EPHA7: variants seen among roughly 807,000 people sequenced by gnomAD.
The protein encoded by EPHA7 is EPH receptor A7.
In EPHA7, 25 loss-of-function variants were observed where a neutral mutation model predicts 112.6. The ratio of observed to expected loss-of-function variants is 0.22; its 90% confidence interval spans 0.16 to 0.31. The LOEUF is 0.31. Among genes scored for constraint, EPHA7 ranks in the 10% least tolerant of loss-of-function variants. EPHA7 has a pLI of 1.00. For synonymous variants in EPHA7, 437 were observed against 406.5 expected (o/e 1.07, Z -0.90); for missense variants, 962 against 1,212.6 (o/e 0.79, Z 3.07).
At chr6:93,300,314 G>C (rs1261438727) in intron 5 of EPHA7, among the ~76,000 whole-genome samples, 1 of 152,058 alleles carries the variant, frequency 6.6e-6, no homozygotes, top group Non-Finnish European at 1.5e-5. Flanking sequence ...ACATGCTGAT[G>C]ACTTTGTTGA....
intron 14 of EPHA7, among the ~76,000 whole-genome samples, chr6:93,249,252 A>T (rs1030993181): frequency 1.3e-5 from 2 of 152,216 alleles, no homozygotes; most frequent in African/African-American, 4.8e-5. Context: ...CTCTGCAAGG[A>T]TCACAAATAT....
At chr6:93,342,101 T>C (rs1775167291) in intron 5 of EPHA7, among the ~76,000 whole-genome samples, 1 of 151,782 alleles carries the variant, frequency 6.6e-6, no homozygotes. Context: ...ATAATGCAAG[T>C]CAAATGGGAA....
At chr6:93,244,823 T>A (rs1377199821) in intron 16 of EPHA7, among the ~76,000 whole-genome samples, 2 of 152,194 alleles carry the variant, frequency 1.3e-5, no homozygotes, top group Non-Finnish European at 2.9e-5. Context: ...GCATTGAGTA[T>A]AAAGTTTTGA....
chr6:93,395,320 C>T (rs1778112329), intron 3 of EPHA7, among the ~76,000 whole-genome samples: 1 of 151,624 alleles, frequency 6.6e-6, no homozygotes, highest in Non-Finnish European at 1.5e-5. Context: ...ACTAGTAATT[C>T]AGAATTGTCT....
chr6:93,317,139 T>C (rs1773854067), intron 5 of EPHA7, among the ~76,000 whole-genome samples: 1 of 152,194 alleles, frequency 6.6e-6, no homozygotes, highest in Non-Finnish European at 1.5e-5. Flanking sequence ...GCAGATGCTC[T>C]TGAGGGCTTT....
rs1405423810 is a variant in EPHA7 at position 93,255,962 on chromosome 6, C to T, written c.2248G>A (p.Ala750Thr). The change falls in exon 13 of 17, where the codon GCT becomes ACT. Residue 750 changes from alanine (A) to threonine (T), a missense_variant. Transcript: ENST00000369303. Reference protein sequence around the residue: ...RGIAAGMRYLADMGYVHRDLA... With the variant: ...RGIAAGMRYLTDMGYVHRDLA... ...TCCCTGTGAACATATCCCATATCAG[C>T]CAAATATCTCATTCCAGCAGCAATT... The T allele has an allele frequency of 6.2e-7, 1 of 1,613,870 alleles. No individual in the cohort carries two copies. The highest frequency in any genetic ancestry group is 1.3e-5 in the African/African-American group (1 of 74,882).
rs951621182 is a variant in EPHA7 at position 93,414,806 on chromosome 6, C to T, written c.98-39G>A. The T allele has an allele frequency of 2.0e-6, 3 of 1,498,174 alleles. No homozygotes were observed. In the Admixed American group the frequency reaches 5.1e-5, roughly 25 times the overall value. 92.8% of individuals were successfully genotyped at this position (1,498,174 alleles called of 1,614,324 possible). A position where few individuals can be genotyped will look rare whatever the true frequency, so the allele number is the denominator to read the frequency against. On this transcript the variant is annotated intron_variant, in intron 1 of 16. Transcript: ENST00000369303. ...TTGTATTTCCATATGTTACATGAAA[C>T]ACTTACGCACACATGTAGACATTTT...
intron 5 of EPHA7, among the ~76,000 whole-genome samples, chr6:93,310,272 G>A (rs753586733): frequency 1.6e-4 from 24 of 152,176 alleles, no homozygotes; most frequent in Admixed American, 9.2e-4. Context: ...ATTGTGATAC[G>A]CACTGAAAAT....
intron 5 of EPHA7, among the ~76,000 whole-genome samples, chr6:93,331,944 T>A (rs921012771): frequency 2.0e-5 from 3 of 151,564 alleles, no homozygotes; most frequent in African/African-American, 7.2e-5. Context: ...CCTCACACAG[T>A]TCAGTTCAAT....
chr6:93,366,224 G>C (rs573168527), intron 3 of EPHA7, among the ~76,000 whole-genome samples: 60 of 152,262 alleles, frequency 3.9e-4, no homozygotes, highest in African/African-American at 1.4e-3. Flanking sequence ...CTGTGTTGAA[G>C]AGGTAATATG....
intron 3 of EPHA7, among the ~76,000 whole-genome samples, chr6:93,405,915 C>T (rs1005909129): frequency 6.9e-5 from 10 of 145,674 alleles, no homozygotes; most frequent in African/African-American, 2.0e-4. Context: ...AAATTACATG[C>T]TACTTGTCTG....
At chr6:93,352,336 G>T (rs17688085) in intron 5 of EPHA7, among the ~76,000 whole-genome samples, 2 of 152,052 alleles carry the variant, frequency 1.3e-5, no homozygotes, top group African/African-American at 4.8e-5. Context: ...TCTGTGCTAC[G>T]ATACTTAGTC....
At chr6:93,412,149 T>A (rs1779007449) in intron 2 of EPHA7, among the ~76,000 whole-genome samples, 1 of 152,072 alleles carries the variant, frequency 6.6e-6, no homozygotes, top group Non-Finnish European at 1.5e-5. Flanking sequence ...TTATTAATAA[T>A]TTTCCCACTT....
At chr6:93,357,102 A>C (rs759784063) in intron 4 of EPHA7, 50 bp from the exon 5 acceptor site, 146 of 1,415,006 alleles carry the variant, frequency 1.0e-4, no homozygotes, top group Non-Finnish European at 1.3e-4. Flanking sequence ...AGAAAAAAAA[A>C]CATACAAACA....
chr6:93,347,997 A>AAAC (rs1775486697), intron 5 of EPHA7, among the ~76,000 whole-genome samples: 1 of 151,926 alleles, frequency 6.6e-6, no homozygotes, highest in South Asian at 2.1e-4. Context: ...ACGCAACTTA[A>AAAC]AACACTCTAT....
At chr6:93,302,803 T>C (rs1477713656) in intron 5 of EPHA7, among the ~76,000 whole-genome samples, 1 of 143,310 alleles carries the variant, frequency 7.0e-6, no homozygotes, top group Non-Finnish European at 1.5e-5. Flanking sequence ...TGGAACAGCA[T>C]GGAGGGACCT....
chr6:93,406,920 G>A (rs1472603488), intron 3 of EPHA7, among the ~76,000 whole-genome samples: 3 of 151,732 alleles, frequency 2.0e-5, no homozygotes, highest in Admixed American at 1.3e-4. Flanking sequence ...GTATTGGCTA[G>A]TTTGCATCAA....
At chr6:93,355,053 C>T (rs1194136234) in intron 5 of EPHA7, among the ~76,000 whole-genome samples, 1 of 151,940 alleles carries the variant, frequency 6.6e-6, no homozygotes, top group South Asian at 2.1e-4. Context: ...GTTATGACAA[C>T]AAATTTATAT....
At chr6:93,321,262 C>T (rs1774056567) in intron 5 of EPHA7, among the ~76,000 whole-genome samples, 1 of 151,866 alleles carries the variant, frequency 6.6e-6, no homozygotes, top group Non-Finnish European at 1.5e-5. Context: ...TTGTAACAAG[C>T]ACCTAATATC....
Sources: allele counts gnomAD v4.1 joint callset (sites outside exome capture counted in the v4.1 genomes callset), GRCh38; gene constraint gnomAD v4.1.1; transcripts MANE v1.5; gene names NCBI Gene and HGNC (gene_info 2026-07-23, HGNC 2026-07-21).